Variants in ISM1 observed in about 807,000 individuals in gnomAD.
ISM1 encodes the protein isthmin-1.
Under a neutral mutation model 46.3 loss-of-function variants are expected in ISM1, and 25 were observed. The observed-to-expected ratio is 0.54, with a 90% CI of 0.39 to 0.75. The LOEUF (loss-of-function observed/expected upper bound fraction) is 0.75, where lower values mean the gene tolerates loss of function less well. Ranked by LOEUF, ISM1 falls within the 30% of genes least tolerant of loss-of-function variation. The pLI, the probability that ISM1 is intolerant of heterozygous loss-of-function variation, is 0.00. For missense variants in ISM1, 536 were observed against 625.4 expected, an observed-to-expected ratio of 0.86 and a Z score of 1.52; for synonymous variants, 255 against 256.7, an observed-to-expected ratio of 0.99 and a Z score of 0.06.
rs2039453598 is a variant in ISM1, at chr20:13,221,894, G to A, written c.118G>A (p.Ala40Thr). ...ADGPDAAAGN[A>T]SQAQLQNNLN... ...CGGGCCCGACGCGGCCGCGGGCAACGCCAGCCAAGCCCAGCTGCAGGTGAG... is the reference window on the plus strand; with the variant it reads ...CGGGCCCGACGCGGCCGCGGGCAACACCAGCCAAGCCCAGCTGCAGGTGAG... The change falls in exon 1 of 6, where the codon GCC (alanine) becomes ACC (threonine). Residue 40 changes from alanine (A) to threonine (T), a missense_variant. Coordinates refer to ENST00000262487, the MANE Select transcript of ISM1 (RefSeq NM_080826.2). The A allele has an allele frequency of 2.9e-6, 4 of 1,384,606 alleles. No homozygotes were observed. The highest frequency in any genetic ancestry group is 3.7e-6 in the Non-Finnish European group (4 of 1,076,246). The allele number at this position is 1,384,606 out of a possible 1,614,324, so 85.8% of individuals were successfully genotyped here.
intron 4 of ISM1, among the ~76,000 whole-genome samples, chr20:13,288,945 T>C (rs1382969004): frequency 6.6e-6 from 1 of 152,066 alleles, no homozygotes; most frequent in Non-Finnish European, 1.5e-5. Context: ...CCACCATGCC[T>C]GGCTAATTTT....
At chr20:13,279,946 G>T in intron 3 of ISM1, 48 bp downstream of exon 3, 1 of 1,564,242 alleles carries the variant, frequency 6.4e-7, no homozygotes, top group Non-Finnish European at 8.7e-7. Context: ...GAATAAACGA[G>T]GATGATGCCT....
intron 2 of ISM1, among the ~76,000 whole-genome samples, chr20:13,272,570 C>T (rs1165978626): frequency 2.6e-5 from 4 of 152,182 alleles, no homozygotes; most frequent in African/African-American, 9.7e-5. Flanking sequence ...ATTGATGGCA[C>T]AGAGTGACAA....
Position 13,299,120 on chromosome 20 carries a change from C to T in ISM1, c.1056C>T (p.Ser352=), listed in dbSNP as rs773761462. The change falls in exon 6 of 6, where the codon AGC becomes AGT. Residue 352 remains serine (S), a synonymous_variant. Transcript: ENST00000262487. The surrounding 1 kb of genome is among the most constrained non-coding windows in gnomAD (Gnocchi z 5.8). ...KRKDFRWKDA[S]GPKEKLEIYK... ...AGGACTTCCGCTGGAAGGACGCCAG[C>T]GGGCCCAAGGAGAAGCTGGAGATCT... The T allele has an allele frequency of 5.6e-6, 9 of 1,613,182 alleles. No individual in the cohort carries two copies. Among genetic ancestry groups the T allele is most frequent in the Non-Finnish European group, 7.6e-6 (9 of 1,179,664 alleles).
chr20:13,320,064 G>A, the ISM1 span, among the ~76,000 whole-genome samples: 1 of 152,168 alleles, frequency 6.6e-6, no homozygotes, highest in Non-Finnish European at 1.5e-5. Context: ...CAGAAACTGG[G>A]GTACACCAGG....
intron 1 of ISM1, chr20:13,245,256 C>T (rs2039779613): frequency 6.6e-6 from 1 of 152,164 alleles, no homozygotes; most frequent in Admixed American, 6.5e-5. Context: ...ATCCCTTGGC[C>T]CATGGTCTCT....
Position 13,221,691 on chromosome 20 carries a change from C to A in ISM1, c.-86C>A. On this transcript the variant is annotated 5_prime_UTR_variant, in exon 1 of 6. Transcript: ENST00000262487. The stretch of plus-strand genomic sequence containing the variant: ...GAGGCGGGAGCCGCGCTGCCGGGCT[C>A]CCGGGCTCCTACTCCTCCTCCCCCG... 8.5e-7 allele frequency: 1 copy of A among 1,175,886 alleles called. No individual in the cohort carries two copies. Among genetic ancestry groups the A allele is most frequent in the Non-Finnish European group, 1.1e-6 (1 of 931,666 alleles). The allele number at this position is 1,175,886 out of a possible 1,614,324, so 72.8% of individuals were successfully genotyped here.
intron 1 of ISM1, among the ~76,000 whole-genome samples, chr20:13,250,208 A>G (rs34656017): frequency 0.3 from 45,104 of 152,044 alleles, 7,004 homozygotes; most frequent in African/African-American, 0.41. Flanking sequence ...GGGATGGCCT[A>G]GGTTTCAAAT....
At chr20:13,303,483 G>C (rs2040475524), downstream of ISM1, among the ~76,000 whole-genome samples, 1 of 152,200 alleles carries the variant, frequency 6.6e-6, no homozygotes, top group Non-Finnish European at 1.5e-5. Flanking sequence ...CCACACATAA[G>C]CCCTGTGCTA....
At position 13,268,528 on chromosome 20, in the gene ISM1, G is replaced by A. The variant is rs553143143; in HGVS notation, c.139-1976G>A. Among the ~76,000 whole-genome samples, 168 of 152,264 alleles carry A rather than the reference G, an allele frequency of 1.1e-3. 1 individual carries two copies. The highest frequency in any genetic ancestry group is 1.9e-3 in the Non-Finnish European group (131 of 68,022). ...GAAAACCATGGCAGAGAGGTGGCTG[G>A]AAAGGTGAACAAAGACACTGCCCCC... On this transcript the variant is annotated intron_variant, in intron 1 of 5. Coordinates refer to ENST00000262487, the MANE Select transcript of ISM1 (RefSeq NM_080826.2).
downstream of ISM1, among the ~76,000 whole-genome samples, chr20:13,305,009 C>T (rs1276514179): frequency 6.6e-6 from 1 of 151,982 alleles, no homozygotes; most frequent in African/African-American, 2.4e-5. Flanking sequence ...TTATTAAGTG[C>T]TATTCAAATA....
chr20:13,315,222 A>G, the ISM1 span, among the ~76,000 whole-genome samples: 3 of 152,166 alleles, frequency 2.0e-5, no homozygotes, highest in African/African-American at 2.4e-5. Flanking sequence ...AACATCAATG[A>G]CCTAAATATA....
At chr20:13,256,984 A>T (rs1290993627) in intron 1 of ISM1, among the ~76,000 whole-genome samples, 1 of 152,166 alleles carries the variant, frequency 6.6e-6, no homozygotes, top group Non-Finnish European at 1.5e-5. Context: ...AGTGAAGAGA[A>T]AATGTAACAA....
At chr20:13,325,990 C>T in the ISM1 span, among the ~76,000 whole-genome samples, 7 of 152,126 alleles carry the variant, frequency 4.6e-5, no homozygotes, top group African/African-American at 1.7e-4. Context: ...CCCAACCCTC[C>T]CAACTCCGGG....
At position 13,221,436 on chromosome 20, in the gene ISM1, T is replaced by G. The variant is rs532200570; in HGVS notation, c.-341T>G. 8.1e-6 allele frequency among the ~76,000 whole-genome samples: 1 copy of G among 123,564 alleles called. No individual in the cohort carries two copies. Among genetic ancestry groups the G allele is most frequent in the African/African-American group, 2.8e-5 (1 of 35,778 alleles). 81.1% of individuals were successfully genotyped at this position (123,564 alleles called of 152,430 possible). A position where few individuals can be genotyped will look rare whatever the true frequency, so the allele number is the denominator to read the frequency against. On this transcript the variant is annotated 5_prime_UTR_variant, in exon 1 of 6. Transcript: ENST00000262487. ...AGGGTGGCCTCCGGCCCGGCCCGGGTCCCGGGCTGTCCCGGGACCCAGTCT... is the reference window on the plus strand; with the variant it reads ...AGGGTGGCCTCCGGCCCGGCCCGGGGCCCGGGCTGTCCCGGGACCCAGTCT...
chr20:13,306,079 G>A, the ISM1 span, among the ~76,000 whole-genome samples: 1 of 151,754 alleles, frequency 6.6e-6, no homozygotes, highest in African/African-American at 2.4e-5. Context: ...CCCTCAAAAT[G>A]AAAAAAACCT....
chr20:13,287,294 G>A (rs1341057480), intron 3 of ISM1, among the ~76,000 whole-genome samples: 1 of 152,216 alleles, frequency 6.6e-6, no homozygotes, highest in African/African-American at 2.4e-5. Flanking sequence ...GGGAGAGTTT[G>A]TGCAGGGGAA....
intron 3 of ISM1, among the ~76,000 whole-genome samples, chr20:13,281,076 C>T (rs768534875): frequency 1.3e-5 from 2 of 152,210 alleles, no homozygotes; most frequent in African/African-American, 2.4e-5. Flanking sequence ...GAATTCTAAG[C>T]AACTTGCAAA....
Position 13,224,073 on chromosome 20 carries a change from G to A in ISM1, c.138+2159G>A, listed in dbSNP as rs528712055. 9.9e-5 allele frequency among the ~76,000 whole-genome samples: 15 copies of A among 152,118 alleles called. No individual in the cohort carries two copies. In the South Asian group the frequency reaches 2.5e-3, roughly 25 times the overall value. On this transcript the variant is annotated intron_variant, in intron 1 of 5. Coordinates refer to ENST00000262487, the MANE Select transcript of ISM1 (RefSeq NM_080826.2). ...TGCCCCAAGAGGACACAACAAATGG[G>A]GGATTTAGAAAGAGTTATGCTCCTA...
Sources: allele counts gnomAD v4.1 joint callset (sites outside exome capture counted in the v4.1 genomes callset), GRCh38; gene constraint gnomAD v4.1.1; non-coding constraint Gnocchi (gnomAD v3.1); transcripts MANE v1.5; gene names NCBI Gene and HGNC (gene_info 2026-07-23, HGNC 2026-07-21).